UBE2K: variants seen among roughly 807,000 people sequenced by gnomAD.
UBE2K encodes ubiquitin-conjugating enzyme E2 K.
Under a neutral mutation model 30.0 loss-of-function variants are expected in UBE2K, and 6 were observed. The observed-to-expected ratio is 0.20, with a 90% CI of 0.11 to 0.39. UBE2K has a LOEUF of 0.39. UBE2K is among the 10% of genes least tolerant of loss of function. The pLI is 1.00. For missense variants in UBE2K, 61 were observed against 241.6 expected (o/e 0.25, Z 4.96); for synonymous variants, 86 against 83.7 (o/e 1.03, Z -0.15).
intron 1 of UBE2K, among the ~76,000 whole-genome samples, chr4:39,731,653 C>A (rs867741010): frequency 6.6e-6 from 1 of 151,282 alleles, no homozygotes; most frequent in South Asian, 2.1e-4. Flanking sequence ...AAGACTCCAT[C>A]TCAAAAAAAT....
intron 1 of UBE2K, among the ~76,000 whole-genome samples, chr4:39,715,552 C>T (rs1473310939): frequency 1.3e-5 from 2 of 152,062 alleles, no homozygotes; most frequent in Non-Finnish European, 2.9e-5. Flanking sequence ...TCAAGTGATC[C>T]ACCCGCCTCA....
chr4:39,755,668 C>T lies in UBE2K; in HGVS notation c.228C>T (p.Ile76=). Residue 76 remains isoleucine, a synonymous_variant, in exon 4 of 7, where the codon ATC becomes ATT. Transcript: ENST00000261427. ...GCTTTATATTCTAGGTCCGGTTTAT[C>T]ACTAAAATATGGCATCCTAATATTA... ...YPFNPPKVRF[I]TKIWHPNISS... 6.2e-7 allele frequency: 1 copy of T among 1,604,584 alleles called. No homozygotes were observed. The highest frequency in any genetic ancestry group is 2.3e-5 in the East Asian group (1 of 44,428).
intron 1 of UBE2K, chr4:39,714,074 G>A (rs1192360280): frequency 6.6e-6 from 1 of 152,140 alleles, no homozygotes; most frequent in Non-Finnish European, 1.5e-5. Context: ...TTTTTGTAGA[G>A]ATGAGGTCTC....
chr4:39,748,494 A>G, intron 3 of UBE2K, among the ~76,000 whole-genome samples: 1 of 152,070 alleles, frequency 6.6e-6, no homozygotes, highest in East Asian at 1.9e-4. Flanking sequence ...AGCCACTGTT[A>G]CCTGGCCAGG....
At chr4:39,750,225 CA>C (rs2109366188) in intron 3 of UBE2K, among the ~76,000 whole-genome samples, 1 of 152,018 alleles carries the variant, frequency 6.6e-6, no homozygotes, top group East Asian at 1.9e-4. Flanking sequence ...AAGCAAGAAA[CA>C]CACTTCACAT....
intron 1 of UBE2K, among the ~76,000 whole-genome samples, chr4:39,718,753 C>A (rs1031935492): frequency 1.3e-5 from 2 of 152,256 alleles, no homozygotes; most frequent in Non-Finnish European, 2.9e-5. Flanking sequence ...GGGTGCTAAG[C>A]CCCTCACTGC....
At chr4:39,724,604 AAAAAAATAC>A (rs1419686221) in intron 1 of UBE2K, among the ~76,000 whole-genome samples, 73 of 150,566 alleles carry the variant, frequency 4.8e-4, no homozygotes, top group African/African-American at 1.7e-3. Context: ...AAAAAAAAAA[AAAAAAATAC>A]AAAAATTAGC....
In UBE2K at chr4:39,775,046, G is replaced by C. The variant is rs146201953; in HGVS notation, c.399+113G>C. 3 of 531,694 alleles carry C rather than the reference G, an allele frequency of 5.6e-6. No homozygotes were observed. The African/African-American group carries it at 5.8e-5, about 10-fold the overall frequency. The allele number at this position is 531,694 out of a possible 1,614,324, so 32.9% of individuals were successfully genotyped here. A position where few individuals can be genotyped will look rare whatever the true frequency, so the allele number is the denominator to read the frequency against. On this transcript the variant is annotated intron_variant, in intron 5 of 6. Transcript: ENST00000261427. Reference sequence around the variant, plus strand: ...CTCTATTGAAACTAAATTTTGAAATGGTTTTCTTTCTTGTGGTAGGATTAT... The same window carrying C: ...CTCTATTGAAACTAAATTTTGAAATCGTTTTCTTTCTTGTGGTAGGATTAT...
rs75417991 is a variant in UBE2K, at chr4:39,734,746, A to G, written c.64-2674A>G. ...AGAATCACCTGAGCTTGGGAAGTTG[A>G]GGTGCAGTGAGCTGAGATCGCACTG... On this transcript the variant is annotated intron_variant, in intron 1 of 6. Coordinates refer to ENST00000261427, the MANE Select transcript of UBE2K (RefSeq NM_005339.5). Among the ~76,000 whole-genome samples the G allele has an allele frequency of 3.2e-3, 489 of 152,304 alleles. 1 individual carries two copies. Among genetic ancestry groups the G allele is most frequent in the Non-Finnish European group, 5.6e-3 (382 of 68,030 alleles).
chr4:39,775,849 A>G (rs1264866290), intron 5 of UBE2K, among the ~76,000 whole-genome samples: 1 of 151,914 alleles, frequency 6.6e-6, no homozygotes, highest in Non-Finnish European at 1.5e-5. Context: ...GACTTCTAAG[A>G]TATTACCCTC....
At chr4:39,730,872 T>C (rs80233993) in intron 1 of UBE2K, among the ~76,000 whole-genome samples, 42,502 of 142,032 alleles carry the variant, frequency 0.3, 7,821 homozygotes, top group African/African-American at 0.53. Flanking sequence ...TGCAGTGGCG[T>C]GATCTCTGCT....
intron 1 of UBE2K, among the ~76,000 whole-genome samples, chr4:39,729,622 A>T (rs142358908): frequency 1.9e-4 from 29 of 151,996 alleles, no homozygotes; most frequent in Non-Finnish European, 3.7e-4. Flanking sequence ...ATCCCCCTCC[A>T]GCCATTTCCC....
At chr4:39,770,485 C>T in intron 4 of UBE2K, 4 of 1,610,656 alleles carry the variant, frequency 2.5e-6, no homozygotes, top group Non-Finnish European at 3.4e-6. Flanking sequence ...GGGTTTCCAC[C>T]TGAGAAGCTC....
At chr4:39,757,927 C>T (rs770456013) in intron 4 of UBE2K, among the ~76,000 whole-genome samples, 1 of 152,198 alleles carries the variant, frequency 6.6e-6, no homozygotes, top group Non-Finnish European at 1.5e-5. Flanking sequence ...TCTAGCTGCA[C>T]TCACTTCCTT....
intron 6 of UBE2K, 46 bp from the exon 7 acceptor site, chr4:39,778,314 A>G (rs367699466): frequency 7.9e-7 from 1 of 1,266,918 alleles, no homozygotes; most frequent in Admixed American, 1.8e-5. Flanking sequence ...TATTGTTTAA[A>G]TGTTTCCTTG....
At chr4:39,749,676 C>G (rs1347263632) in intron 3 of UBE2K, among the ~76,000 whole-genome samples, 1 of 150,110 alleles carries the variant, frequency 6.7e-6, no homozygotes, top group Non-Finnish European at 1.5e-5. Flanking sequence ...AAGACTCTGT[C>G]TCAAAAAAAA....
intron 2 of UBE2K, 103 bp from the exon 3 acceptor site, chr4:39,745,648 TA>T: frequency 1.4e-6 from 1 of 722,090 alleles, no homozygotes; most frequent in South Asian, 2.0e-5. Context: ...AATGAATTTT[TA>T]TAATTGAATA....
Position 39,752,337 on chromosome 4 carries a change from T to TTTC in UBE2K, c.217-3318_217-3317insCTT, listed in dbSNP as rs1340265793. 2.8e-3 allele frequency among the ~76,000 whole-genome samples: 46 copies of TTTC among 16,154 alleles called. 1 individual carries two copies. Among genetic ancestry groups the TTTC allele is most frequent in the African/African-American group, 0.022 (46 of 2,126 alleles). The allele number at this position is 16,154 out of a possible 152,430, so 10.6% of individuals were successfully genotyped here. Reference sequence around the variant, plus strand: ...TTTTTTTTTTTTTCTTTTTTTTTCTTTTTTTTTTTTTTTTTTTGAGACGGC... The same window carrying TTTC: ...TTTTTTTTTTTTTCTTTTTTTTTCTTTTCTTTTTTTTTTTTTTTTTGAGACGGC... On this transcript the variant is annotated intron_variant, in intron 3 of 6. Coordinates refer to ENST00000261427, the MANE Select transcript of UBE2K (RefSeq NM_005339.5).
At chr4:39,727,988 G>T (rs1172346003) in intron 1 of UBE2K, among the ~76,000 whole-genome samples, 2 of 152,040 alleles carry the variant, frequency 1.3e-5, no homozygotes. Context: ...TAAGAAATTA[G>T]CCAGGCGTGG....
Sources: gnomAD v4.1 joint callset for allele counts (sites outside exome capture counted in the v4.1 genomes callset) on GRCh38, gnomAD v4.1.1 for gene constraint, MANE v1.5 for transcripts, NCBI Gene and HGNC (gene_info 2026-07-23, HGNC 2026-07-21) for gene names.